ANKRD62: variants seen among roughly 807,000 people sequenced by gnomAD.
ANKRD62 encodes ankyrin repeat domain 62.
In ANKRD62, 61 loss-of-function variants were observed where a neutral mutation model predicts 98.8. That is an observed-to-expected ratio of 0.62 (90% confidence interval 0.50 to 0.76). ANKRD62 has a LOEUF of 0.76. Among genes scored for constraint, ANKRD62 ranks in the 30% least tolerant of loss-of-function variants. ANKRD62 has a pLI of 0.00. For synonymous variants in ANKRD62, 341 were observed against 367.9 expected (o/e 0.93, Z 0.84); for missense variants, 933 against 1,082.9 (o/e 0.86, Z 1.94).
At chr18:12,137,695 G>T in the ANKRD62 span, among the ~76,000 whole-genome samples, 18 of 152,206 alleles carry the variant, frequency 1.2e-4, no homozygotes, top group East Asian at 3.5e-3. Context: ...TTTTTGGTTG[G>T]TAAGCTATTA....
intron 8 of ANKRD62, among the ~76,000 whole-genome samples, chr18:12,109,163 C>T (rs1909480618): frequency 6.6e-6 from 1 of 152,240 alleles, no homozygotes. Flanking sequence ...TTCCCTTCTG[C>T]ACTGCCCTAG....
the ANKRD62 span, among the ~76,000 whole-genome samples, chr18:12,170,016 G>C: frequency 2.0e-5 from 3 of 152,002 alleles, no homozygotes; most frequent in Admixed American, 6.6e-5. Flanking sequence ...TGATTCTTCT[G>C]TCTTTTCTTC....
intron 7 of ANKRD62, among the ~76,000 whole-genome samples, chr18:12,105,904 C>A (rs1909403749): frequency 6.6e-6 from 1 of 152,104 alleles, no homozygotes; most frequent in South Asian, 2.1e-4. Context: ...ATTTAATAAG[C>A]TCTAGGGTTT....
chr18:12,105,616 C>G lies in ANKRD62; in HGVS notation c.892-1679C>G, dbSNP rs997016151. 2.6e-5 allele frequency among the ~76,000 whole-genome samples: 4 copies of G among 152,230 alleles called. No individual in the cohort carries two copies. In the South Asian group the frequency reaches 8.3e-4, roughly 32 times the overall value. Reference sequence around the variant, plus strand: ...ACTTGCTGCCACTCGTTTTTTTTCTCTTGACCAATTATTTGGTGCATTCTA... The same window carrying G: ...ACTTGCTGCCACTCGTTTTTTTTCTGTTGACCAATTATTTGGTGCATTCTA... On this transcript the variant is annotated intron_variant, in intron 7 of 13. Coordinates refer to ENST00000587848, the MANE Select transcript of ANKRD62 (RefSeq NM_001277333.2).
downstream of ANKRD62, among the ~76,000 whole-genome samples, chr18:12,131,403 T>C (rs1338323183): frequency 1.3e-5 from 2 of 152,208 alleles, no homozygotes; most frequent in Non-Finnish European, 2.9e-5. Context: ...CTTTTTCTTA[T>C]ACACATTACT....
rs1272975859 is a variant in ANKRD62, at chr18:12,115,523, T to C, written c.1229T>C (p.Met410Thr). The C allele has an allele frequency of 6.5e-7, 1 of 1,536,588 alleles. No individual in the cohort carries two copies. The highest frequency in any genetic ancestry group is 2.0e-5 in the Admixed American group (1 of 50,930). Residue 410 changes from methionine to threonine, a missense_variant, in exon 10 of 14, where the codon ATG (methionine) becomes ACG (threonine). Met to Thr is a moderately conservative substitution (Grantham distance 81). Around this residue, in one of 3 missense-constraint regions of ANKRD62, gnomAD observed 549 missense variants for 587.9 expected, o/e 0.93. Transcript: ENST00000587848. ...ATGTTACTCATTGAACAAAGTGGAA[T>C]GGAGTGTAAAGGTAGGACCAATGCA... ...NFMLLIEQSG[M>T]ECKDFVSLSK...
At chr18:12,172,179 C>T in the ANKRD62 span, among the ~76,000 whole-genome samples, 1 of 152,198 alleles carries the variant, frequency 6.6e-6, no homozygotes, top group South Asian at 2.1e-4. Flanking sequence ...TGTTCCCTTG[C>T]TGGCGAGGAG....
the ANKRD62 span, among the ~76,000 whole-genome samples, chr18:12,175,815 C>T: frequency 5.8e-4 from 88 of 152,100 alleles, 1 homozygote; most frequent in African/African-American, 2.1e-3. Context: ...GAAACTTAGG[C>T]ACACATAGTG....
At chr18:12,120,387 G>A (rs1225245198) in intron 10 of ANKRD62, among the ~76,000 whole-genome samples, 1 of 152,086 alleles carries the variant, frequency 6.6e-6, no homozygotes, top group Non-Finnish European at 1.5e-5. Context: ...TCATTGTGAC[G>A]TGACCTTATT....
In ANKRD62 at chr18:12,111,802, T is replaced by C. The variant is rs77803657; in HGVS notation, c.1065-3286T>C. On this transcript the variant is annotated intron_variant, in intron 8 of 13. Transcript: ENST00000587848. ...ACCAAGAACTAATTCTTACTCACAATTGCCACCAAAACAACAACAACATAA... is the reference window on the plus strand; with the variant it reads ...ACCAAGAACTAATTCTTACTCACAACTGCCACCAAAACAACAACAACATAA... Among the ~76,000 whole-genome samples, 1,037 of 152,130 alleles carry C rather than the reference T, an allele frequency of 6.8e-3. 10 individuals are homozygous for C. The highest frequency in any genetic ancestry group is 0.024 in the African/African-American group (977 of 41,496).
At position 12,107,537 on chromosome 18, in the gene ANKRD62, T is replaced by TAACA. The variant is rs1909442017; in HGVS notation, c.1064+72_1064+73insCAAA. The stretch of plus-strand genomic sequence containing the variant: ...CTATAAAATGAATTCTAATTTGGGT[T>TAACA]AATATGTACGATTAACAAATTTTAT... On this transcript the variant is annotated intron_variant, in intron 8 of 13. Transcript: ENST00000587848. 14 of 1,191,158 alleles carry TAACA rather than the reference T, an allele frequency of 1.2e-5. No individual in the cohort carries two copies. The African/African-American group carries it at 1.7e-4, about 15-fold the overall frequency. The allele number at this position is 1,191,158 out of a possible 1,614,324, so 73.8% of individuals were successfully genotyped here.
chr18:12,151,434 A>G, the ANKRD62 span, among the ~76,000 whole-genome samples: 2 of 152,218 alleles, frequency 1.3e-5, no homozygotes, highest in African/African-American at 4.8e-5. Flanking sequence ...AGTGGGTCTG[A>G]TAGACCTCTA....
At chr18:12,133,787 T>G (rs1418577506), downstream of ANKRD62, among the ~76,000 whole-genome samples, 2 of 152,178 alleles carry the variant, frequency 1.3e-5, no homozygotes, top group Non-Finnish European at 2.9e-5. Flanking sequence ...TTTTTACACT[T>G]TTTTCATAAA....
chr18:12,145,240 C>A, the ANKRD62 span, among the ~76,000 whole-genome samples: 1 of 152,170 alleles, frequency 6.6e-6, no homozygotes, highest in African/African-American at 2.4e-5. Context: ...AAGATGTTGG[C>A]CTGCCTCTCC....
chr18:12,095,674 AT>A (rs774838295), intron 3 of ANKRD62, 64 bp downstream of exon 3: 23 of 1,366,206 alleles, frequency 1.7e-5, no homozygotes, highest in Middle Eastern at 2.2e-4. Context: ...TTGACATATG[AT>A]TTTTTTTAGT....
chr18:12,122,553 T>G, intron 11 of ANKRD62, 37 bp downstream of exon 11: 1 of 1,463,990 alleles, frequency 6.8e-7, no homozygotes, highest in Non-Finnish European at 9.1e-7. Context: ...ATTTCAACTA[T>G]TTATACTAAG....
At chr18:12,115,353 A>C (rs1486972698) in intron 9 of ANKRD62, 40 bp from the exon 10 acceptor site, 1 of 1,499,126 alleles carries the variant, frequency 6.7e-7, no homozygotes, top group South Asian at 1.3e-5. Context: ...TGCTATAAAT[A>C]TTTCGAGGGC....
the ANKRD62 span, among the ~76,000 whole-genome samples, chr18:12,175,588 C>T: frequency 2.0e-5 from 3 of 151,972 alleles, no homozygotes; most frequent in Admixed American, 6.5e-5. Context: ...TGCTGGAGCC[C>T]TCTTCTAGTC....
In ANKRD62 at chr18:12,126,014, G is replaced by C; in HGVS notation, c.2193G>C (p.Thr731=). 6.5e-7 allele frequency: 1 copy of C among 1,536,484 alleles called. No individual in the cohort carries two copies. The highest frequency in any genetic ancestry group is 8.7e-7 in the Non-Finnish European group (1 of 1,146,916). The change falls in exon 13 of 14, where the codon ACG becomes ACC. Residue 731 remains threonine (T), a synonymous_variant. Coordinates refer to ENST00000587848, the MANE Select transcript of ANKRD62 (RefSeq NM_001277333.2). ...AAAGAGAGGCTCTCAAAGAAAAGAC[G>C]TTGCATATAGAACACATGCAAGGAG... ...HYEREALKEK[T]LHIEHMQGVL...
Sources: allele counts gnomAD v4.1 joint callset (sites outside exome capture counted in the v4.1 genomes callset), GRCh38; gene constraint gnomAD v4.1.1; regional missense constraint gnomAD v4.1.1; transcripts MANE v1.5; gene names NCBI Gene and HGNC (gene_info 2026-07-23, HGNC 2026-07-21).